Variants in DEK observed in about 807,000 individuals in gnomAD.
The protein encoded by DEK is protein DEK.
In DEK, 28 loss-of-function variants were observed where a neutral mutation model predicts 46.8. That is an observed-to-expected ratio of 0.60 (90% confidence interval 0.44 to 0.82). DEK has a LOEUF of 0.82. Ranked by LOEUF, DEK falls within the 40% of genes least tolerant of loss-of-function variation. The probability of loss-of-function intolerance (pLI) is 0.00; values close to 1 mark genes in which losing one functional copy is unlikely to be tolerated. For synonymous variants in DEK, 160 were observed against 144.5 expected (o/e 1.11, Z -0.77); for missense variants, 416 against 430.6 (o/e 0.97, Z 0.30).
chr6:18,236,586 CCTCAGA>C lies in DEK; in HGVS notation c.907_912del (p.Ser303_Glu304del), dbSNP rs1272935052. ...ATTAAAGGTTCATCATCTGAACTAT[CCTCAGA>C]CTCACTTTCTAAAAGTAATATAATA... On this transcript the variant is annotated inframe_deletion, in exon 9 of 11. Coordinates refer to ENST00000652689, the MANE Select transcript of DEK (RefSeq NM_003472.4). 1 of 1,524,838 alleles carries C rather than the reference CCTCAGA, an allele frequency of 6.6e-7. No individual in the cohort carries two copies. The highest frequency in any genetic ancestry group is 1.4e-5 in the African/African-American group (1 of 69,334). 94.5% of individuals were successfully genotyped at this position (1,524,838 alleles called of 1,614,324 possible). A position where few individuals can be genotyped will look rare whatever the true frequency, so the allele number is the denominator to read the frequency against.
At chr6:18,229,293 G>C (rs929807596) in intron 9 of DEK, among the ~76,000 whole-genome samples, 9 of 152,204 alleles carry the variant, frequency 5.9e-5, no homozygotes, top group African/African-American at 2.2e-4. Context: ...AACCAGAGCA[G>C]AAAAGCTGAA....
chr6:18,255,513 C>T (rs1791559858), intron 6 of DEK, among the ~76,000 whole-genome samples: 1 of 152,144 alleles, frequency 6.6e-6, no homozygotes, highest in Non-Finnish European at 1.5e-5. Flanking sequence ...TATTCTTAAC[C>T]TTATATCCCT....
rs1554162685 is a variant in DEK at position 18,259,430 on chromosome 6, A to AAAAAAAAT, written c.146-1026_146-1025insATTTTTTT. Among the ~76,000 whole-genome samples the AAAAAAAAT allele has an allele frequency of 1.2e-3, 115 of 96,844 alleles. 9 individuals are homozygous for AAAAAAAAT. Among genetic ancestry groups the AAAAAAAAT allele is most frequent in the Non-Finnish European group, 2.0e-3 (85 of 42,166 alleles). 63.5% of individuals were successfully genotyped at this position (96,844 alleles called of 152,430 possible). A position where few individuals can be genotyped will look rare whatever the true frequency, so the allele number is the denominator to read the frequency against. On this transcript the variant is annotated intron_variant, in intron 2 of 10. Transcript: ENST00000652689. The stretch of plus-strand genomic sequence containing the variant: ...AAAAAAAAAAAAAAAAAAAAAAAAA[A>AAAAAAAAT]AAATCTAGAAAACAGGTAGCATATA...
intron 9 of DEK, among the ~76,000 whole-genome samples, chr6:18,228,754 GCCCAC>G (rs1790254588): frequency 6.6e-6 from 1 of 152,216 alleles, no homozygotes; most frequent in African/African-American, 2.4e-5. Context: ...AGAGTCCCAC[GCCCAC>G]GGAGCCTCGC....
At chr6:18,261,798 G>C (rs1254136218) in intron 2 of DEK, among the ~76,000 whole-genome samples, 1 of 152,204 alleles carries the variant, frequency 6.6e-6, no homozygotes, top group African/African-American at 2.4e-5. Context: ...TGGACTTACA[G>C]ATTTGGGACT....
intron 9 of DEK, among the ~76,000 whole-genome samples, chr6:18,232,304 A>G (rs1790446974): frequency 6.6e-6 from 1 of 152,230 alleles, no homozygotes; most frequent in African/African-American, 2.4e-5. Flanking sequence ...AACTGGCACA[A>G]GACAGGGATG....
chr6:18,264,151 C>G (rs1792003717), intron 1 of DEK, 155 bp from the exon 2 acceptor site: 1 of 579,856 alleles, frequency 1.7e-6, no homozygotes, highest in Non-Finnish European at 2.7e-6. Context: ...TCCCCAGGGG[C>G]GGCTTCCCTC....
chr6:18,256,325 A>G (rs571683246), intron 5 of DEK, 36 bp downstream of exon 5: 2 of 1,533,512 alleles, frequency 1.3e-6, no homozygotes, highest in East Asian at 2.4e-5. Context: ...CTTAAAGCAT[A>G]TTGATCAAAA....
intron 7 of DEK, among the ~76,000 whole-genome samples, chr6:18,247,272 GA>G (rs113415735): frequency 6.6e-5 from 10 of 151,094 alleles, no homozygotes; most frequent in African/African-American, 1.9e-4. Context: ...ATTTATCAGG[GA>G]AAAAAAAGGG....
chr6:18,257,587 G>A (rs534501541), intron 4 of DEK, among the ~76,000 whole-genome samples: 1 of 152,192 alleles, frequency 6.6e-6, no homozygotes, highest in Admixed American at 6.5e-5. Flanking sequence ...ATGGTGGCAT[G>A]CACCTGTGGT....
intron 4 of DEK, 123 bp from the exon 5 acceptor site, chr6:18,256,578 T>G (rs1249735099): frequency 1.5e-6 from 1 of 685,958 alleles, no homozygotes; most frequent in Non-Finnish European, 2.4e-6. Context: ...CAATACTGGC[T>G]GAACAGTCAA....
At chr6:18,243,539 A>G (rs565132525) in intron 7 of DEK, among the ~76,000 whole-genome samples, 1 of 152,142 alleles carries the variant, frequency 6.6e-6, no homozygotes, top group Non-Finnish European at 1.5e-5. Flanking sequence ...GAGTTAGTCA[A>G]AGGCACCCTG....
chr6:18,244,962 A>G (rs1304730462), intron 7 of DEK, among the ~76,000 whole-genome samples: 1 of 152,240 alleles, frequency 6.6e-6, no homozygotes, highest in Non-Finnish European at 1.5e-5. Flanking sequence ...ACCAAAAATT[A>G]TAATGGAGTT....
chr6:18,226,332 G>T, intron 9 of DEK, 90 bp from the exon 10 acceptor site: 1 of 1,116,868 alleles, frequency 9.0e-7, no homozygotes, highest in East Asian at 3.5e-5. Context: ...AATCTGCTAC[G>T]TGCAAATAGC....
Position 18,224,622 on chromosome 6 carries a change from T to TATTA in DEK, c.*1093_*1096dup, listed in dbSNP as rs1376625278. The stretch of plus-strand genomic sequence containing the variant: ...ATTAAATTTCTTTAATGTAAAAGTA[T>TATTA]ATTATTTTTGAGACACACTTTGTCA... On this transcript the variant is annotated 3_prime_UTR_variant, in exon 11 of 11. Transcript: ENST00000652689. 1 of 205,126 alleles carries TATTA rather than the reference T, an allele frequency of 4.9e-6. No homozygotes were observed. The highest frequency in any genetic ancestry group is 2.3e-5 in the African/African-American group (1 of 43,704). The allele number at this position is 205,126 out of a possible 1,614,324, so 12.7% of individuals were successfully genotyped here.
At chr6:18,263,468 G>A (rs538725890) in intron 2 of DEK, among the ~76,000 whole-genome samples, 96 of 151,492 alleles carry the variant, frequency 6.3e-4, no homozygotes, top group African/African-American at 2.1e-3. Context: ...GTAATGAAAA[G>A]GACAAAATTA....
chr6:18,252,382 A>G (rs1339992859), intron 6 of DEK, among the ~76,000 whole-genome samples: 1 of 151,764 alleles, frequency 6.6e-6, no homozygotes, highest in Admixed American at 6.6e-5. Context: ...GGTAGCATAC[A>G]CCTATAGTCC....
Position 18,225,392 on chromosome 6 carries a change from G to T in DEK, c.*327C>A. 1 of 293,780 alleles carries T rather than the reference G, an allele frequency of 3.4e-6. No individual in the cohort carries two copies. Among genetic ancestry groups the T allele is most frequent in the Non-Finnish European group, 6.3e-6 (1 of 158,042 alleles). 18.2% of individuals were successfully genotyped at this position (293,780 alleles called of 1,614,324 possible). On this transcript the variant is annotated 3_prime_UTR_variant, in exon 11 of 11. Coordinates refer to ENST00000652689, the MANE Select transcript of DEK (RefSeq NM_003472.4). Reference sequence around the variant, plus strand: ...CTACTTGATTAAAAGTATGCCTTAAGCAAGCTAATATTAAGTGCACTAAAA... The same window carrying T: ...CTACTTGATTAAAAGTATGCCTTAATCAAGCTAATATTAAGTGCACTAAAA...
Position 18,225,737 on chromosome 6 carries a change from TGAAA to T in DEK, c.1117-11_1117-8del. 6.2e-7 allele frequency: 1 copy of T among 1,613,336 alleles called. No individual in the cohort carries two copies. The highest frequency in any genetic ancestry group is 8.5e-7 in the Non-Finnish European group (1 of 1,179,632). ...CTCTATCTCAAGAAATTAGCTGTAA[TGAAA>T]GAGAAACATTATTTTGCCATAAATC... On this transcript the variant is annotated splice_region_variant and splice_polypyrimidine_tract_variant and intron_variant, in intron 10 of 10. Transcript: ENST00000652689.
Sources: gnomAD v4.1 joint callset for allele counts (sites outside exome capture counted in the v4.1 genomes callset) on GRCh38, gnomAD v4.1.1 for gene constraint, MANE v1.5 for transcripts, NCBI Gene and HGNC (gene_info 2026-07-23, HGNC 2026-07-21) for gene names.